Variants in APLN observed in about 807,000 individuals in gnomAD.
APLN encodes the protein apelin, also known as AGTRL1 ligand.
A neutral mutation model predicts 4.3 loss-of-function variants in APLN; 2 were observed. The observed-to-expected ratio is 0.46, with a 90% confidence interval of 0.19 to 1.45. The LOEUF is 1.45. Ranked by LOEUF, APLN falls within the 40% of genes most tolerant of loss-of-function variation. APLN has a pLI of 0.25. For missense variants in APLN, 80 were observed against 70.0 expected (o/e 1.14, Z -0.51); for synonymous variants, 34 against 30.4 (o/e 1.12, Z -0.38).
At chrX:129,650,593 T>C (rs752466273) in intron 1 of APLN, among the ~76,000 whole-genome samples, 18 of 112,470 alleles carry the variant, frequency 1.6e-4, no homozygotes, top group Non-Finnish European at 3.0e-4. Context: ...CACACTTCCG[T>C]GCCAACTTAT....
Position 129,654,670 on chromosome X carries a change from G to C in APLN, c.-40C>G, listed in dbSNP as rs777260111. On this transcript the variant is annotated 5_prime_UTR_variant, in exon 1 of 3. Coordinates refer to ENST00000429967, the MANE Select transcript of APLN (RefSeq NM_017413.5). ...CGCCGCGGCCCCGGCGAGCCGGCGCGGGGGAGGAGAGGTCGGGCGCCCGGA... is the reference window on the plus strand; with the variant it reads ...CGCCGCGGCCCCGGCGAGCCGGCGCCGGGGAGGAGAGGTCGGGCGCCCGGA... 19 of 1,032,862 alleles carry C rather than the reference G, an allele frequency of 1.8e-5. No homozygotes were observed. Among genetic ancestry groups the C allele is most frequent in the African/African-American group, 8.0e-5 (4 of 50,238 alleles). 85.1% of individuals were successfully genotyped at this position (1,032,862 alleles called of 1,213,427 possible).
chrX:129,648,049 C>T, intron 2 of APLN, 132 bp from the exon 3 acceptor site: 1 of 857,295 alleles, frequency 1.2e-6, no homozygotes, highest in Non-Finnish European at 1.5e-6. Context: ...ACCTCAATCC[C>T]AAGGCCCCTG....
chrX:129,651,214 C>T (rs1936977015), intron 1 of APLN, among the ~76,000 whole-genome samples: 1 of 110,908 alleles, frequency 9.0e-6, no homozygotes, highest in African/African-American at 3.3e-5. Context: ...AACCCCCAGC[C>T]GGGCCCTGGA....
intron 1 of APLN, among the ~76,000 whole-genome samples, chrX:129,650,345 C>G (rs1313270006): frequency 9.0e-6 from 1 of 111,064 alleles, no homozygotes; most frequent in Admixed American, 9.6e-5. Flanking sequence ...CACACAATTT[C>G]CAAGTGTTCA....
chrX:129,648,560 G>T (rs1936955413), intron 2 of APLN, 61 bp downstream of exon 2: 1 of 1,134,694 alleles, frequency 8.8e-7, no homozygotes, highest in Non-Finnish European at 1.2e-6. Flanking sequence ...GGATCACCCG[G>T]CTTCTAGGCT....
Position 129,646,199 on chromosome X carries a change from A to AAGCAGCAGCAGC in APLN, c.*1712_*1723dup, listed in dbSNP as rs70961724. The AAGCAGCAGCAGC allele has an allele frequency of 1.6e-5, 2 of 124,770 alleles. No individual in the cohort carries two copies. The highest frequency in any genetic ancestry group is 2.5e-4 in the East Asian group (1 of 3,977). The allele number at this position is 124,770 out of a possible 1,213,427, so 10.3% of individuals were successfully genotyped here. ...GTCCCCACTCCAAGCATGAGCCTTT[A>AAGCAGCAGCAGC]AGCAGCAGCAGCAGCAGCAGCAGCG... On this transcript the variant is annotated 3_prime_UTR_variant, in exon 3 of 3. Transcript: ENST00000429967.
intron 1 of APLN, among the ~76,000 whole-genome samples, chrX:129,650,947 T>C (rs1905845919): frequency 8.9e-6 from 1 of 111,752 alleles, no homozygotes; most frequent in Admixed American, 9.4e-5. Context: ...CTCTGCACCT[T>C]CGACTGCTGG....
chrX:129,654,648 C>A lies in APLN; in HGVS notation c.-18G>T, dbSNP rs929386844. ...AGATTCATGCTGCTCCTTGGGCCGC[C>A]GCGGCCCCGGCGAGCCGGCGCGGGG... is the stretch of plus-strand genomic sequence containing the variant. On this transcript the variant is annotated 5_prime_UTR_variant, in exon 1 of 3. Coordinates refer to ENST00000429967, the MANE Select transcript of APLN (RefSeq NM_017413.5). 4.6e-6 allele frequency: 5 copies of A among 1,094,125 alleles called. No homozygotes were observed. Among genetic ancestry groups the A allele is most frequent in the Non-Finnish European group, 5.9e-6 (5 of 841,431 alleles). 90.2% of individuals were successfully genotyped at this position (1,094,125 alleles called of 1,213,427 possible). A position where few individuals can be genotyped will look rare whatever the true frequency, so the allele number is the denominator to read the frequency against.
At chrX:129,649,667 G>A (rs1371544460) in intron 1 of APLN, among the ~76,000 whole-genome samples, 1 of 111,822 alleles carries the variant, frequency 8.9e-6, no homozygotes, top group East Asian at 2.8e-4. Context: ...CCCCACCAAT[G>A]CCCTACCTCC....
intron 1 of APLN, 89 bp from the exon 2 acceptor site, chrX:129,648,881 T>C (rs1425200683): frequency 1.2e-5 from 10 of 851,234 alleles, no homozygotes; most frequent in Non-Finnish European, 1.6e-5. Flanking sequence ...GGGTGGTCTG[T>C]CCATGTGGTG....
At position 129,653,844 on chromosome X, in the gene APLN, C is replaced by G. The variant is rs760306273; in HGVS notation, c.67+720G>C. ...GGCTGGAGCCAGGATGTAAGAGAAC[C>G]AAGTCTCTGGGGGTGGGATGGAGGC... is the stretch of plus-strand genomic sequence containing the variant. On this transcript the variant is annotated intron_variant, in intron 1 of 2. Transcript: ENST00000429967. 2.7e-5 allele frequency among the ~76,000 whole-genome samples: 3 copies of G among 111,550 alleles called. No homozygotes were observed. The South Asian group carries it at 1.1e-3, about 42-fold the overall frequency.
intron 1 of APLN, 117 bp downstream of exon 1, chrX:129,654,447 T>G: frequency 3.3e-6 from 2 of 604,720 alleles, no homozygotes; most frequent in Non-Finnish European, 4.6e-6. Context: ...GGCCGGCGCG[T>G]GGCTGCTACT....
chrX:129,649,436 G>A (rs915758952), intron 1 of APLN, among the ~76,000 whole-genome samples: 85 of 111,519 alleles, frequency 7.6e-4, no homozygotes, highest in Admixed American at 4.9e-3. Flanking sequence ...TCTCTAGGGC[G>A]CCAAGTCCTC....
At chrX:129,652,523 G>C (rs1163104030) in intron 1 of APLN, among the ~76,000 whole-genome samples, 1 of 112,266 alleles carries the variant, frequency 8.9e-6, no homozygotes, top group African/African-American at 3.2e-5. Context: ...CCCTTGGCTG[G>C]TGGCCACTTC....
In APLN at chrX:129,647,375, C is replaced by T. The variant is rs1462386400; in HGVS notation, c.*548G>A. 1.7e-5 allele frequency: 4 copies of T among 241,174 alleles called. No individual in the cohort carries two copies. Among genetic ancestry groups the T allele is most frequent in the Non-Finnish European group, 2.3e-5 (3 of 130,361 alleles). 19.9% of individuals were successfully genotyped at this position (241,174 alleles called of 1,213,427 possible). On this transcript the variant is annotated 3_prime_UTR_variant, in exon 3 of 3. Coordinates refer to ENST00000429967, the MANE Select transcript of APLN (RefSeq NM_017413.5). ...CTTCACCAGAGCTCCTGAAAACCAC[C>T]CTGGCACTTCCATGCCCCCAATGTG...
intron 1 of APLN, among the ~76,000 whole-genome samples, chrX:129,653,635 G>A (rs779994719): frequency 3.4e-4 from 38 of 112,684 alleles, no homozygotes; most frequent in African/African-American, 1.2e-3. Context: ...CTGCTGGGGC[G>A]TGGTTGGGGA....
In APLN at chrX:129,650,406, C is replaced by T. The variant is rs5977127; in HGVS notation, c.68-1614G>A. ...GGGTTTGGCCTTAGGGCCCTCTTCC[C>T]CCAGGCTTCTGAGCCTGCAGTTCTC... On this transcript the variant is annotated intron_variant, in intron 1 of 2. Transcript: ENST00000429967. Among the ~76,000 whole-genome samples the T allele has an allele frequency of 4.5e-3, 504 of 110,952 alleles. 2 individuals carry two copies. Among genetic ancestry groups the T allele is most frequent in the African/African-American group, 0.016 (484 of 30,407 alleles).
intron 1 of APLN, among the ~76,000 whole-genome samples, chrX:129,649,146 C>T (rs1569468972): frequency 9.0e-6 from 1 of 111,246 alleles, no homozygotes; most frequent in African/African-American, 3.3e-5. Flanking sequence ...GTAATCACCA[C>T]GGCACCCCTG....
rs1018126803 is a variant in APLN at position 129,647,587 on chromosome X, A to T, written c.*336T>A. ...ACATGAGGAAGGAAGGCCCAAATGAAGGTTTGGGGCGTTAGATGAGACAGG... is the reference window on the plus strand; with the variant it reads ...ACATGAGGAAGGAAGGCCCAAATGATGGTTTGGGGCGTTAGATGAGACAGG... On this transcript the variant is annotated 3_prime_UTR_variant, in exon 3 of 3. Coordinates refer to ENST00000429967, the MANE Select transcript of APLN (RefSeq NM_017413.5). The T allele has an allele frequency of 1.0e-6, 1 of 959,714 alleles. No homozygotes were observed. Among genetic ancestry groups the T allele is most frequent in the African/African-American group, 2.0e-5 (1 of 49,307 alleles). 79.1% of individuals were successfully genotyped at this position (959,714 alleles called of 1,213,427 possible). A position where few individuals can be genotyped will look rare whatever the true frequency, so the allele number is the denominator to read the frequency against.
Sources: allele counts gnomAD v4.1 joint callset (sites outside exome capture counted in the v4.1 genomes callset), GRCh38; gene constraint gnomAD v4.1.1; transcripts MANE v1.5; gene names NCBI Gene and HGNC (gene_info 2026-07-23, HGNC 2026-07-21).